The following NLRP13 variants were observed in gnomAD, a reference collection of about 807,000 sequenced individuals.
NLRP13 encodes NACHT, LRR and PYD domains-containing protein 13.
A neutral mutation model predicts 94.4 loss-of-function variants in NLRP13; 82 were observed. The observed-to-expected ratio is 0.87, with a 90% CI of 0.73 to 1.04. NLRP13 has a LOEUF of 1.04. Ranked by LOEUF, NLRP13 falls within the 50% of genes least tolerant of loss-of-function variation. The pLI is 0.00. For synonymous variants in NLRP13, 553 were observed against 464.7 expected, an observed-to-expected ratio of 1.19 and a Z score of -2.45; for missense variants, 1,426 against 1,230.8, an observed-to-expected ratio of 1.16 and a Z score of -2.37.
Position 55,902,194 on chromosome 19 carries a change from C to T in NLRP13, c.2630G>A (p.Cys877Tyr), listed in dbSNP as rs1986202822. The T allele has an allele frequency of 1.2e-6, 2 of 1,613,660 alleles. No individual in the cohort carries two copies. The highest frequency in any genetic ancestry group is 4.5e-5 in the East Asian group (2 of 44,834). The change falls in exon 9 of 11, where the codon TGC becomes TAC. Residue 877 changes from cysteine (C) to tyrosine (Y), a missense_variant. Physicochemically the swap from Cys to Tyr is radical, Grantham distance 194. Coordinates refer to ENST00000342929, the MANE Select transcript of NLRP13 (RefSeq NM_176810.2). ...CALERLELWF[C>Y]QLAAPACKHL... ...CTTGCAAGCGGGTGCTGCCAGCTGG[C>T]AAAACCAGAGCCTGCAGGGTGAAAG...
At chr19:55,893,877 T>G (rs1985926024), downstream of NLRP13, among the ~76,000 whole-genome samples, 1 of 152,126 alleles carries the variant, frequency 6.6e-6, no homozygotes. Flanking sequence ...CCAGAACCCT[T>G]TTTAAAATGC....
chr19:55,909,023 ACTCTT>A lies in NLRP13; in HGVS notation c.2283-1072_2283-1068del, dbSNP rs201662996. Among the ~76,000 whole-genome samples, 980 of 152,238 alleles carry A rather than the reference ACTCTT, an allele frequency of 6.4e-3. 12 individuals carry two copies. The highest frequency in any genetic ancestry group is 0.021 in the African/African-American group (856 of 41,542). ...GAGGAAAGTTACGATCAAACCTTTCACTCTTAACTGGTTGAATCAATGCACACATC... is the reference window on the plus strand; with the variant it reads ...GAGGAAAGTTACGATCAAACCTTTCAAACTGGTTGAATCAATGCACACATC... On this transcript the variant is annotated intron_variant, in intron 6 of 10. Transcript: ENST00000342929.
intron 10 of NLRP13, among the ~76,000 whole-genome samples, chr19:55,898,412 G>T (rs1000028744): frequency 2.0e-5 from 3 of 152,086 alleles, no homozygotes; most frequent in Non-Finnish European, 2.9e-5. Context: ...GTTTCCCCAT[G>T]TTGGCCAGGC....
At chr19:55,896,217 G>T in intron 10 of NLRP13, 98 bp from the exon 11 acceptor site, 1 of 1,360,030 alleles carries the variant, frequency 7.4e-7, no homozygotes, top group Non-Finnish European at 1.0e-6. Context: ...TATTACTAAA[G>T]CAGACTGCTT....
chr19:55,903,051 A>G (rs927217104), intron 8 of NLRP13, among the ~76,000 whole-genome samples: 3 of 151,640 alleles, frequency 2.0e-5, no homozygotes, highest in Non-Finnish European at 2.9e-5. Context: ...ATGATGTTAC[A>G]ATGTGTAGAA....
Position 55,920,797 on chromosome 19 carries a change from C to T in NLRP13, c.523+3117G>A, listed in dbSNP as rs147424109. The stretch of plus-strand genomic sequence containing the variant: ...AAATCATATCATAAAGATACCTGCA[C>T]TCCTGTGTTTATTGCAGCAGTATTC... On this transcript the variant is annotated intron_variant, in intron 4 of 10. Coordinates refer to ENST00000342929, the MANE Select transcript of NLRP13 (RefSeq NM_176810.2). Among the ~76,000 whole-genome samples, 830 of 152,258 alleles carry T rather than the reference C, an allele frequency of 5.5e-3. 6 individuals are homozygous for T. Among genetic ancestry groups the T allele is most frequent in the African/African-American group, 0.019 (801 of 41,548 alleles).
intron 8 of NLRP13, among the ~76,000 whole-genome samples, chr19:55,903,826 TGGTCA>T: frequency 6.6e-6 from 1 of 152,166 alleles, no homozygotes; most frequent in Non-Finnish European, 1.5e-5. Flanking sequence ...CACTCCCTCC[TGGTCA>T]ATAGGAGCCC....
chr19:55,900,217 C>T (rs187813186), intron 9 of NLRP13, among the ~76,000 whole-genome samples: 205 of 148,114 alleles, frequency 1.4e-3, no homozygotes, highest in Middle Eastern at 3.4e-3. Flanking sequence ...CTACAAGTGA[C>T]GAGGGGAAAA....
At chr19:55,928,742 G>A (rs570839117) in intron 1 of NLRP13, among the ~76,000 whole-genome samples, 44 of 152,182 alleles carry the variant, frequency 2.9e-4, no homozygotes, top group African/African-American at 8.7e-4. Context: ...CTTTCTTCAT[G>A]ACTAAAACAC....
chr19:55,911,962 A>T lies in NLRP13; in HGVS notation c.1855T>A (p.Trp619Arg). ...TCAGCCTTACCTAACTCTTCTCCCCACTTTAATAATTCCTCCATTACCCTG... is the reference window on the plus strand; with the variant it reads ...TCAGCCTTACCTAACTCTTCTCCCCTCTTTAATAATTCCTCCATTACCCTG... The part of the protein sequence containing the change: ...SPRVMEELLK[W>R]GEELGKAESA... The change falls in exon 5 of 11, where the codon TGG (tryptophan) becomes AGG (arginine). Residue 619 changes from tryptophan (W) to arginine (R), a missense_variant. Trp to Arg is a moderately radical substitution (Grantham distance 101, BLOSUM62 -3). Transcript: ENST00000342929. The T allele has an allele frequency of 6.2e-7, 1 of 1,614,230 alleles. No homozygotes were observed. The highest frequency in any genetic ancestry group is 8.5e-7 in the Non-Finnish European group (1 of 1,180,034).
At chr19:55,891,911 G>T (rs939625149), downstream of NLRP13, 5 of 399,224 alleles carry the variant, frequency 1.3e-5, no homozygotes, top group African/African-American at 1.0e-4. Context: ...CCCCACAAAT[G>T]GTGACATTGG....
chr19:55,924,998 C>A lies in NLRP13; in HGVS notation c.357G>T (p.Gln119His). 6.2e-7 allele frequency: 1 copy of A among 1,614,078 alleles called. No homozygotes were observed. The highest frequency in any genetic ancestry group is 8.5e-7 in the Non-Finnish European group (1 of 1,180,000). Reference sequence around the variant, plus strand: ...CTGCTTCTAGCATCTCTAGATCTTCCTGGGTTGGATCTTGCAGCTCTTGGG... The same window carrying A: ...CTGCTTCTAGCATCTCTAGATCTTCATGGGTTGGATCTTGCAGCTCTTGGG... Reference protein sequence around the residue: ...VQTQELQDPTQEDLEMLEAAA... With the variant: ...VQTQELQDPTHEDLEMLEAAA... The change falls in exon 2 of 11, where the codon CAG (glutamine) becomes CAT (histidine). Residue 119 changes from glutamine to histidine, a missense_variant. Transcript: ENST00000342929.
In NLRP13 at chr19:55,930,893, TATATAAAA is replaced by T. The variant is rs1390288358; in HGVS notation, c.319+1092_319+1099del. Among the ~76,000 whole-genome samples the T allele has an allele frequency of 6.3e-3, 777 of 123,484 alleles. 49 individuals are homozygous for T. Among genetic ancestry groups the T allele is most frequent in the African/African-American group, 0.024 (749 of 31,294 alleles). 81.0% of individuals were successfully genotyped at this position (123,484 alleles called of 152,430 possible). On this transcript the variant is annotated intron_variant, in intron 1 of 10. Transcript: ENST00000342929. ...CAGTGATTATATATATATATATATATATATAAAATTTTAACCAGAAGCTTAAACAGCAT... is the reference window on the plus strand; with the variant it reads ...CAGTGATTATATATATATATATATATTTTTAACCAGAAGCTTAAACAGCAT...
At chr19:55,898,223 T>A (rs1463615731) in intron 10 of NLRP13, among the ~76,000 whole-genome samples, 3 of 148,664 alleles carry the variant, frequency 2.0e-5, no homozygotes, top group South Asian at 4.4e-4. Context: ...TTTTTTTTTT[T>A]TTTGAGATGG....
chr19:55,910,746 G>A lies in NLRP13; in HGVS notation c.2112-13C>T, dbSNP rs770712787. ...AAACTTGCTTGTCCTTCATGAGGGA[G>A]AGACAGAACACGGATAAGAGCAAAT... On this transcript the variant is annotated splice_polypyrimidine_tract_variant and intron_variant, in intron 5 of 10. Transcript: ENST00000342929. 2.5e-6 allele frequency: 4 copies of A among 1,594,374 alleles called. No individual in the cohort carries two copies. Among genetic ancestry groups the A allele is most frequent in the African/African-American group, 1.3e-5 (1 of 74,614 alleles).
At chr19:55,896,404 T>A (rs1460898190) in intron 10 of NLRP13, among the ~76,000 whole-genome samples, 2 of 150,922 alleles carry the variant, frequency 1.3e-5, no homozygotes, top group African/African-American at 4.9e-5. Flanking sequence ...CATCTGTAGT[T>A]CCAGGTACTC....
rs1568448809 is a variant in NLRP13 at position 55,930,877 on chromosome 19, TA to T, written c.319+1115del. Among the ~76,000 whole-genome samples, 51 of 43,674 alleles carry T rather than the reference TA, an allele frequency of 1.2e-3. 1 individual carries two copies. Among genetic ancestry groups the T allele is most frequent in the South Asian group, 4.8e-3 (6 of 1,246 alleles). 28.7% of individuals were successfully genotyped at this position (43,674 alleles called of 152,430 possible). ...TTACAGGAGATAGAATCAGTGATTATATATATATATATATATATATAAAATT... is the reference window on the plus strand; with the variant it reads ...TTACAGGAGATAGAATCAGTGATTATTATATATATATATATATATAAAATT... On this transcript the variant is annotated intron_variant, in intron 1 of 10. Coordinates refer to ENST00000342929, the MANE Select transcript of NLRP13 (RefSeq NM_176810.2).
At chr19:55,913,556 A>AAAAAAAAAAAAAAAAAAG in intron 4 of NLRP13, among the ~76,000 whole-genome samples, 1 of 120,100 alleles carries the variant, frequency 8.3e-6, no homozygotes, top group African/African-American at 3.1e-5. Context: ...CTCAAAAAAA[A>AAAAAAAAAAAAAAAAAAG]AAAAAAAAAA....
chr19:55,918,642 G>T (rs888307452), intron 4 of NLRP13, among the ~76,000 whole-genome samples: 6 of 151,926 alleles, frequency 3.9e-5, no homozygotes, highest in Non-Finnish European at 7.4e-5. Flanking sequence ...ATAAATTTCT[G>T]GGAACATACA....
Sources: allele counts gnomAD v4.1 joint callset (sites outside exome capture counted in the v4.1 genomes callset), GRCh38; gene constraint gnomAD v4.1.1; transcripts MANE v1.5; gene names NCBI Gene and HGNC (gene_info 2026-07-23, HGNC 2026-07-21).